The following TRPM3 variants were observed in gnomAD, a reference collection of about 807,000 sequenced individuals.
TRPM3 encodes the protein long transient receptor potential channel 3.
A neutral mutation model predicts 181.2 loss-of-function variants in TRPM3; 77 were observed. That is an observed-to-expected ratio of 0.42 (90% confidence interval 0.35 to 0.51). TRPM3 has a LOEUF of 0.51. TRPM3 is among the 20% of genes least tolerant of loss of function. TRPM3 has a pLI of 0.01. For synonymous variants in TRPM3, 745 were observed against 796.4 expected (o/e 0.94, Z 1.09); for missense variants, 1,759 against 2,196.7 (o/e 0.80, Z 3.98).
intron 25 of TRPM3, among the ~76,000 whole-genome samples, chr9:70,541,703 G>T (rs2043411884): frequency 6.6e-6 from 1 of 152,088 alleles, no homozygotes; most frequent in Non-Finnish European, 1.5e-5. Flanking sequence ...TAGAGATGGG[G>T]TTTCTCCATG....
chr9:70,584,867 C>CAAT (rs1408541566), intron 22 of TRPM3, among the ~76,000 whole-genome samples: 1 of 152,208 alleles, frequency 6.6e-6, no homozygotes, highest in Non-Finnish European at 1.5e-5. Flanking sequence ...AGCAAAGCCT[C>CAAT]AATCTTGGAT....
intron 1 of TRPM3, among the ~76,000 whole-genome samples, chr9:71,012,557 T>C (rs569271486): frequency 6.6e-6 from 1 of 152,024 alleles, no homozygotes; most frequent in Non-Finnish European, 1.5e-5. Flanking sequence ...AATGTATTTA[T>C]TAGGAAATTA....
chr9:71,172,458 T>C (rs540860784), intron 1 of TRPM3, among the ~76,000 whole-genome samples: 94 of 151,452 alleles, frequency 6.2e-4, no homozygotes, highest in Non-Finnish European at 1.3e-3. Context: ...CAAGCTGGAG[T>C]GCAGTGCTGT....
intron 25 of TRPM3, among the ~76,000 whole-genome samples, chr9:70,540,581 C>T (rs1328803014): frequency 6.6e-6 from 1 of 152,176 alleles, no homozygotes; most frequent in Non-Finnish European, 1.5e-5. Flanking sequence ...GTCCCTATAG[C>T]CCCAGCTACT....
intron 1 of TRPM3, among the ~76,000 whole-genome samples, chr9:71,223,743 C>A (rs1488119434): frequency 6.6e-6 from 1 of 152,130 alleles, no homozygotes; most frequent in African/African-American, 2.4e-5. Flanking sequence ...TTGGGGGATA[C>A]CCTGGCACAC....
chr9:71,042,721 G>A (rs1172985965), intron 1 of TRPM3, among the ~76,000 whole-genome samples: 1 of 152,084 alleles, frequency 6.6e-6, no homozygotes, highest in Non-Finnish European at 1.5e-5. Flanking sequence ...TTACATTTGG[G>A]TAACTCTTCA....
rs892715317 is a variant in TRPM3 at position 71,154,650 on chromosome 9, C to T, written c.184-290139G>A. 3.3e-5 allele frequency among the ~76,000 whole-genome samples: 5 copies of T among 152,262 alleles called. No homozygotes were observed. The South Asian group carries it at 6.2e-4, about 19-fold the overall frequency. The stretch of plus-strand genomic sequence containing the variant: ...GGTTTAGACTGTCCTTTGTGTTATA[C>T]TAGGAATTTGTACATCACCTTGGCA... On this transcript the variant is annotated intron_variant, in intron 1 of 24. Transcript: ENST00000357533.
intron 1 of TRPM3, among the ~76,000 whole-genome samples, chr9:71,135,763 G>T (rs761465386): frequency 9.9e-5 from 15 of 151,774 alleles, no homozygotes; most frequent in Non-Finnish European, 2.1e-4. Flanking sequence ...ATATATTTGA[G>T]CATATGCTTA....
At chr9:71,052,550 C>T (rs755029313) in intron 1 of TRPM3, among the ~76,000 whole-genome samples, 3 of 152,122 alleles carry the variant, frequency 2.0e-5, no homozygotes, top group Non-Finnish European at 4.4e-5. Flanking sequence ...ATGACGTTTG[C>T]TCTATCTACT....
intron 1 of TRPM3, among the ~76,000 whole-genome samples, chr9:71,283,440 G>A (rs1008580875): frequency 6.6e-6 from 1 of 152,028 alleles, no homozygotes; most frequent in African/African-American, 2.4e-5. Flanking sequence ...GGGACTACAG[G>A]CACCCACCAC....
chr9:71,212,049 G>A (rs868419003), intron 1 of TRPM3, among the ~76,000 whole-genome samples: 52 of 152,324 alleles, frequency 3.4e-4, no homozygotes, highest in African/African-American at 1.2e-3. Context: ...AAGACAGGGA[G>A]GTGGAGCTCA....
At chr9:70,924,038 T>C (rs1163677365) in intron 1 of TRPM3, among the ~76,000 whole-genome samples, 3 of 151,882 alleles carry the variant, frequency 2.0e-5, no homozygotes, top group South Asian at 2.1e-4. Context: ...CTTTAGAACA[T>C]TGGTTCTCAA....
At chr9:70,826,914 C>G (rs1375282514) in intron 6 of TRPM3, 2 of 152,220 alleles carry the variant, frequency 1.3e-5, no homozygotes, top group African/African-American at 4.8e-5. Context: ...CGGTAGATTG[C>G]TTTCATACCT....
intron 25 of TRPM3, among the ~76,000 whole-genome samples, chr9:70,539,898 A>C (rs1026012368): frequency 1.3e-5 from 2 of 152,128 alleles, no homozygotes; most frequent in African/African-American, 4.8e-5. Flanking sequence ...GCAGTGGTGC[A>C]AACATGGCTC....
intron 9 of TRPM3, among the ~76,000 whole-genome samples, chr9:70,655,585 T>G (rs1260545901): frequency 2.6e-5 from 4 of 152,150 alleles, no homozygotes; most frequent in Non-Finnish European, 5.9e-5. Flanking sequence ...TATAGGATCT[T>G]TGTGTGCGTG....
intron 25 of TRPM3, among the ~76,000 whole-genome samples, chr9:70,540,791 T>C (rs560132276): frequency 1.3e-5 from 2 of 152,320 alleles, no homozygotes; most frequent in African/African-American, 4.8e-5. Flanking sequence ...GGCACGATCA[T>C]GGTTCACTGT....
At chr9:70,787,384 G>A (rs1259589725) in intron 6 of TRPM3, among the ~76,000 whole-genome samples, 2 of 151,830 alleles carry the variant, frequency 1.3e-5, no homozygotes, top group Non-Finnish European at 2.9e-5. Flanking sequence ...GATAATACAC[G>A]GACATTTGTT....
At chr9:71,288,563 T>G (rs2085502579) in intron 1 of TRPM3, among the ~76,000 whole-genome samples, 1 of 152,034 alleles carries the variant, frequency 6.6e-6, no homozygotes, top group Admixed American at 6.6e-5. Context: ...ACCAACTCAG[T>G]AACAAGGAAG....
chr9:70,753,646 G>T (rs910925974), intron 8 of TRPM3, among the ~76,000 whole-genome samples: 1 of 152,162 alleles, frequency 6.6e-6, no homozygotes, highest in Non-Finnish European at 1.5e-5. Flanking sequence ...TACACAGATT[G>T]CTTGAGGCGT....
Sources: allele counts gnomAD v4.1 joint callset (sites outside exome capture counted in the v4.1 genomes callset), GRCh38; gene constraint gnomAD v4.1.1; transcripts MANE v1.5; gene names NCBI Gene and HGNC (gene_info 2026-07-23, HGNC 2026-07-21).